The following SLCO2A1 variants were observed in gnomAD, a reference collection of about 807,000 sequenced individuals.
The protein encoded by SLCO2A1 is matrin F/G 1.
Under a neutral mutation model 71.7 loss-of-function variants are expected in SLCO2A1, and 60 were observed. That is an observed-to-expected ratio of 0.84 (90% CI 0.68 to 1.04). SLCO2A1 has a LOEUF of 1.04. SLCO2A1 is among the 50% of genes least tolerant of loss of function. SLCO2A1 has a pLI of 0.00. For missense variants in SLCO2A1, 745 were observed against 813.4 expected (o/e 0.92, Z 1.02); for synonymous variants, 308 against 326.7 (o/e 0.94, Z 0.62).
intron 4 of SLCO2A1, among the ~76,000 whole-genome samples, chr3:133,954,229 C>T (rs59449467): frequency 0.077 from 10,205 of 132,446 alleles, 1,148 homozygotes; most frequent in African/African-American, 0.26. Flanking sequence ...ATGGTGCAAT[C>T]TTGGCTCACT....
At chr3:134,029,645 T>A in intron 1 of SLCO2A1, 62 bp downstream of exon 1, 1 of 1,367,870 alleles carries the variant, frequency 7.3e-7, no homozygotes, top group Non-Finnish European at 1.0e-6. Flanking sequence ...CAGAAGCGGG[T>A]GCCCAGCCGA....
intron 3 of SLCO2A1, among the ~76,000 whole-genome samples, chr3:133,965,359 G>A (rs184665866): frequency 7.4e-4 from 113 of 152,334 alleles, no homozygotes; most frequent in Admixed American, 2.1e-3. Flanking sequence ...TGCCCGGCTC[G>A]GGTGCCCGTG....
chr3:133,958,022 T>C (rs1255898088), intron 3 of SLCO2A1, among the ~76,000 whole-genome samples: 1 of 152,182 alleles, frequency 6.6e-6, no homozygotes, highest in East Asian at 1.9e-4. Context: ...TCAGTGATGC[T>C]GCAAGGGTCC....
At chr3:134,014,474 C>A (rs2108076215) in intron 1 of SLCO2A1, among the ~76,000 whole-genome samples, 1 of 152,256 alleles carries the variant, frequency 6.6e-6, no homozygotes, top group Non-Finnish European at 1.5e-5. Context: ...TTAATCCATC[C>A]CAAACAGTAA....
rs1207468909 is a variant in SLCO2A1 at position 133,973,824 on chromosome 3, A to T, written c.236T>A (p.Ile79Asn). The T allele has an allele frequency of 1.2e-6, 2 of 1,612,502 alleles. No homozygotes were observed. The highest frequency in any genetic ancestry group is 2.2e-5 in the East Asian group (1 of 44,842). Residue 79 changes from isoleucine to asparagine, a missense_variant and splice_region_variant, in exon 3 of 14, where the codon ATC (isoleucine) becomes AAC (asparagine). By Grantham distance (149) the Ile-to-Asn change is moderately radical. Coordinates refer to ENST00000310926, the MANE Select transcript of SLCO2A1 (RefSeq NM_005630.3). Reference sequence around the variant, plus strand: ...AAAGATGATGAGGATGGCATTGCTGATCTGAGAAGAGAGCAGAAGGGCTGA... The same window carrying T: ...AAAGATGATGAGGATGGCATTGCTGTTCTGAGAAGAGAGCAGAAGGGCTGA... ...SSGLISSLNE[I>N]SNAILIIFVS... is the part of the protein sequence containing the mutation.
At chr3:133,948,411 G>T in intron 8 of SLCO2A1, 125 bp downstream of exon 8, 1 of 929,990 alleles carries the variant, frequency 1.1e-6, no homozygotes, top group Non-Finnish European at 1.6e-6. Context: ...TTTCTCCTGG[G>T]CAGTCCTCCT....
chr3:134,009,676 G>T (rs775937243), intron 1 of SLCO2A1, among the ~76,000 whole-genome samples: 1 of 152,234 alleles, frequency 6.6e-6, no homozygotes, highest in African/African-American at 2.4e-5. Context: ...TAGGGAATGC[G>T]CAAAGAAAGA....
chr3:133,968,722 G>A (rs1429805447), intron 3 of SLCO2A1, among the ~76,000 whole-genome samples: 5 of 152,172 alleles, frequency 3.3e-5, no homozygotes, highest in Non-Finnish European at 5.9e-5. Context: ...ACTGGTTTCC[G>A]AAGCCCCTTC....
intron 1 of SLCO2A1, among the ~76,000 whole-genome samples, chr3:134,009,501 A>C (rs943349524): frequency 4.6e-5 from 7 of 152,220 alleles, no homozygotes; most frequent in Non-Finnish European, 8.8e-5. Context: ...AGTTTCTGAG[A>C]AGGTGAGTCA....
intron 2 of SLCO2A1, 62 bp downstream of exon 2, chr3:133,979,419 C>G (rs1187117928): frequency 6.2e-7 from 1 of 1,604,732 alleles, no homozygotes; most frequent in Non-Finnish European, 8.5e-7. Context: ...TCTGCTTCTC[C>G]TGGATCTTGT....
In SLCO2A1 at chr3:134,012,175, A is replaced by G. The variant is rs79409828; in HGVS notation, c.96+17532T>C. 9.9e-3 allele frequency among the ~76,000 whole-genome samples: 1,502 copies of G among 152,258 alleles called. 27 individuals are homozygous for G. The highest frequency in any genetic ancestry group is 0.034 in the African/African-American group (1,421 of 41,528). On this transcript the variant is annotated intron_variant, in intron 1 of 13. Coordinates refer to ENST00000310926, the MANE Select transcript of SLCO2A1 (RefSeq NM_005630.3). ...CTTCAGAGCCTAGTTTGGCTTTCAG[A>G]GGAGGGTGGCACTGACTACCTGGTT...
intron 1 of SLCO2A1, among the ~76,000 whole-genome samples, chr3:133,997,422 A>C (rs2108067697): frequency 6.6e-6 from 1 of 152,394 alleles, no homozygotes; most frequent in African/African-American, 2.4e-5. Context: ...TCAAGTTAAC[A>C]TGAGACCATG....
chr3:133,975,331 A>T (rs567889411), intron 2 of SLCO2A1, among the ~76,000 whole-genome samples: 2 of 152,066 alleles, frequency 1.3e-5, no homozygotes, highest in African/African-American at 4.8e-5. Context: ...CATCATCTTG[A>T]CTTCTCTCAC....
At chr3:133,981,159 T>C (rs1211550165) in intron 1 of SLCO2A1, among the ~76,000 whole-genome samples, 3 of 152,246 alleles carry the variant, frequency 2.0e-5, no homozygotes, top group Non-Finnish European at 4.4e-5. Flanking sequence ...GCTAGTCACC[T>C]GACGCTTGGC....
At chr3:133,984,215 A>T (rs1934657207) in intron 1 of SLCO2A1, among the ~76,000 whole-genome samples, 1 of 152,216 alleles carries the variant, frequency 6.6e-6, no homozygotes, top group African/African-American at 2.4e-5. Context: ...TTCCTGAAAG[A>T]CATGCCTCTA....
At chr3:133,995,949 C>G (rs951899590) in intron 1 of SLCO2A1, among the ~76,000 whole-genome samples, 2 of 152,186 alleles carry the variant, frequency 1.3e-5, no homozygotes, top group Non-Finnish European at 2.9e-5. Context: ...ATTCAGCAAG[C>G]CCTTGTCGAC....
chr3:134,006,259 C>T (rs1334466462), intron 1 of SLCO2A1, among the ~76,000 whole-genome samples: 1 of 151,828 alleles, frequency 6.6e-6, no homozygotes, highest in Non-Finnish European at 1.5e-5. Flanking sequence ...ACTTTGTTGC[C>T]CAGGCTGGTC....
At chr3:134,017,667 G>GA (rs768860614) in intron 1 of SLCO2A1, among the ~76,000 whole-genome samples, 1 of 152,210 alleles carries the variant, frequency 6.6e-6, no homozygotes, top group African/African-American at 2.4e-5. Flanking sequence ...TAAATGGTCT[G>GA]AAGGCCAGCG....
At chr3:134,007,157 A>T (rs77451235) in intron 1 of SLCO2A1, among the ~76,000 whole-genome samples, 1 of 152,084 alleles carries the variant, frequency 6.6e-6, no homozygotes, top group African/African-American at 2.4e-5. Flanking sequence ...TCCTTTGCCA[A>T]TTTTTAAATT....
Sources: allele counts gnomAD v4.1 joint callset (sites outside exome capture counted in the v4.1 genomes callset), GRCh38; gene constraint gnomAD v4.1.1; transcripts MANE v1.5; gene names NCBI Gene and HGNC (gene_info 2026-07-23, HGNC 2026-07-21).